The following MTUS2 variants were observed in gnomAD, a reference collection of about 807,000 sequenced individuals.
MTUS2 encodes microtubule-associated tumor suppressor candidate 2.
MTUS2 carries 40 observed loss-of-function variants against 114.1 expected under a neutral mutation model. That is an observed-to-expected ratio of 0.35 (90% confidence interval 0.27 to 0.46). MTUS2 has a LOEUF of 0.46. MTUS2 is among the 20% of genes least tolerant of loss of function. The pLI, the probability that MTUS2 is intolerant of heterozygous loss-of-function variation, is 1.00. For synonymous variants in MTUS2, 688 were observed against 672.0 expected, an observed-to-expected ratio of 1.02 and a Z score of -0.37; for missense variants, 1,679 against 1,705.4, an observed-to-expected ratio of 0.98 and a Z score of 0.27.
chr13:29,272,020 G>T (rs1195001509), intron 5 of MTUS2, among the ~76,000 whole-genome samples: 2 of 152,072 alleles, frequency 1.3e-5, no homozygotes, highest in Non-Finnish European at 2.9e-5. Flanking sequence ...CGTTTTCTCT[G>T]TGGTATCTCA....
intron 4 of MTUS2, among the ~76,000 whole-genome samples, chr13:29,060,543 C>CTTTTTTTTTTTTTTTT (rs1162860492): frequency 4.0e-5 from 4 of 101,202 alleles, no homozygotes; most frequent in Admixed American, 1.0e-4. Flanking sequence ...CCTAGCCCTT[C>CTTTTTTTTTTTTTTTT]TTTTTTTTTT....
chr13:29,307,164 G>T, intron 6 of MTUS2: 1 of 495,504 alleles, frequency 2.0e-6, no homozygotes, highest in South Asian at 1.7e-5. Flanking sequence ...CCAACACCCT[G>T]ATGTTCGTGA....
intron 8 of MTUS2, among the ~76,000 whole-genome samples, chr13:29,368,418 T>C (rs770233880): frequency 3.3e-5 from 5 of 150,956 alleles, no homozygotes; most frequent in Non-Finnish European, 7.4e-5. Context: ...TTCTAATGTT[T>C]GATAGCATAG....
At chr13:29,138,524 CTT>C (rs1429626942) in intron 5 of MTUS2, among the ~76,000 whole-genome samples, 2 of 147,214 alleles carry the variant, frequency 1.4e-5, no homozygotes, top group African/African-American at 4.9e-5. Flanking sequence ...TAAATATAAA[CTT>C]TATAACTCAA....
intron 8 of MTUS2, among the ~76,000 whole-genome samples, chr13:29,400,710 C>T (rs1874262339): frequency 6.6e-6 from 1 of 152,136 alleles, no homozygotes; most frequent in African/African-American, 2.4e-5. Context: ...AAACCCTCTC[C>T]CCAGGAAATA....
chr13:29,049,202 T>A (rs1887775239), intron 4 of MTUS2, among the ~76,000 whole-genome samples: 1 of 152,220 alleles, frequency 6.6e-6, no homozygotes, highest in African/African-American at 2.4e-5. Context: ...AATTTAAATG[T>A]TATTAATGGA....
chr13:28,902,700 C>G (rs1453278427), intron 2 of MTUS2, among the ~76,000 whole-genome samples: 2 of 152,096 alleles, frequency 1.3e-5, no homozygotes, highest in African/African-American at 4.8e-5. Context: ...TTTTTATACA[C>G]TGTTTGACTC....
chr13:28,854,204 G>A (rs1293882946), intron 2 of MTUS2, among the ~76,000 whole-genome samples: 1 of 152,170 alleles, frequency 6.6e-6, no homozygotes, highest in Admixed American at 6.5e-5. Context: ...CAGGTCATTT[G>A]TATGCACATT....
intron 9 of MTUS2, among the ~76,000 whole-genome samples, chr13:29,471,852 G>A (rs1003296223): frequency 6.6e-6 from 1 of 151,866 alleles, no homozygotes; most frequent in African/African-American, 2.4e-5. Flanking sequence ...GCTTACTGTG[G>A]GTAACGGTAT....
At chr13:28,990,282 A>G (rs1884773889) in intron 2 of MTUS2, among the ~76,000 whole-genome samples, 1 of 152,160 alleles carries the variant, frequency 6.6e-6, no homozygotes, top group Non-Finnish European at 1.5e-5. Context: ...GGGGGATGGT[A>G]TTGGCAAGTT....
At chr13:28,837,401 T>C (rs1366465264) in intron 1 of MTUS2, among the ~76,000 whole-genome samples, 3 of 152,198 alleles carry the variant, frequency 2.0e-5, no homozygotes, top group Non-Finnish European at 4.4e-5. Flanking sequence ...TCAGCTTCCG[T>C]GTACTGTTTC....
At chr13:29,431,405 T>C (rs892264869) in intron 8 of MTUS2, among the ~76,000 whole-genome samples, 2 of 152,248 alleles carry the variant, frequency 1.3e-5, no homozygotes, top group South Asian at 4.1e-4. Context: ...CCGGCCCTTA[T>C]GTAGTTTACC....
chr13:29,075,230 A>G (rs780513040), intron 4 of MTUS2, among the ~76,000 whole-genome samples: 1 of 152,304 alleles, frequency 6.6e-6, no homozygotes. Flanking sequence ...TCCCATTTGT[A>G]AAAGAGACAC....
At chr13:29,101,474 G>C (rs951200305) in intron 5 of MTUS2, among the ~76,000 whole-genome samples, 2 of 152,206 alleles carry the variant, frequency 1.3e-5, no homozygotes, top group Non-Finnish European at 2.9e-5. Flanking sequence ...TGCCCAGGAA[G>C]ATCTCCATTA....
chr13:29,034,014 C>T lies in MTUS2; in HGVS notation c.2335C>T (p.Pro779Ser). The T allele has an allele frequency of 6.2e-7, 1 of 1,614,010 alleles. No homozygotes were observed. Among genetic ancestry groups the T allele is most frequent in the Non-Finnish European group, 8.5e-7 (1 of 1,179,906 alleles). The change falls in exon 4 of 16, where the codon CCA becomes TCA. Residue 779 changes from proline (P) to serine (S), a missense_variant. This residue lies in a region of MTUS2 where 822 missense variants were observed against 899.7 expected (regional missense o/e 0.91). Transcript: ENST00000612955. ...AGGATTGGGTGCAATGTCCCGTTTA[C>T]CATCTGCAAAGAGCAGGATTCTGAT... ...QLGLGAMSRL[P>S]SAKSRILIAS...
At chr13:29,360,129 C>T (rs909543462) in intron 8 of MTUS2, among the ~76,000 whole-genome samples, 3 of 152,178 alleles carry the variant, frequency 2.0e-5, no homozygotes, top group African/African-American at 7.2e-5. Context: ...AGGTGGGAGC[C>T]TAGTGTCCCA....
intron 9 of MTUS2, among the ~76,000 whole-genome samples, chr13:29,463,935 A>G (rs953163101): frequency 6.6e-6 from 1 of 152,236 alleles, no homozygotes; most frequent in Non-Finnish European, 1.5e-5. Context: ...CAGAGGTTGC[A>G]GTAAGCCAAG....
intron 8 of MTUS2, among the ~76,000 whole-genome samples, chr13:29,376,039 A>G (rs12100338): frequency 0.19 from 24,483 of 126,400 alleles, 2,094 homozygotes; most frequent in African/African-American, 0.27. Flanking sequence ...ATATATATAT[A>G]TGTGTGTGTG....
chr13:28,956,517 A>T (rs1011550760), intron 2 of MTUS2, among the ~76,000 whole-genome samples: 3 of 152,168 alleles, frequency 2.0e-5, no homozygotes, highest in Non-Finnish European at 4.4e-5. Flanking sequence ...TTCAAAAAGG[A>T]TAGAATCCTG....
Sources: allele counts gnomAD v4.1 joint callset (sites outside exome capture counted in the v4.1 genomes callset), GRCh38; gene constraint gnomAD v4.1.1; regional missense constraint gnomAD v4.1.1; transcripts MANE v1.5; gene names NCBI Gene and HGNC (gene_info 2026-07-23, HGNC 2026-07-21).